CFAP221: variants seen among roughly 807,000 people sequenced by gnomAD.
The protein encoded by CFAP221 is cilia- and flagella-associated protein 221.
A neutral mutation model predicts 113.1 loss-of-function variants in CFAP221; 97 were observed. The observed-to-expected ratio is 0.86, with a 90% CI of 0.73 to 1.02. The LOEUF is 1.02. Ranked by LOEUF, CFAP221 falls within the 50% of genes least tolerant of loss-of-function variation. CFAP221 has a pLI of 0.00. For missense variants in CFAP221, 1,025 were observed against 1,013.4 expected (o/e 1.01, Z -0.16); for synonymous variants, 331 against 354.4 (o/e 0.93, Z 0.74).
At chr2:119,640,543 T>C (rs1046847168) in intron 21 of CFAP221, among the ~76,000 whole-genome samples, 1 of 152,216 alleles carries the variant, frequency 6.6e-6, no homozygotes, top group East Asian at 1.9e-4. Context: ...CCTGAGCCCT[T>C]GAATTCGCTT....
intron 14 of CFAP221, among the ~76,000 whole-genome samples, chr2:119,622,083 T>C (rs1685962584): frequency 6.6e-6 from 1 of 152,152 alleles, no homozygotes; most frequent in Admixed American, 6.5e-5. Context: ...CAAGAGCTGG[T>C]TTTTTGAAAA....
chr2:119,648,498 G>A (rs777703476), intron 22 of CFAP221: 101 of 285,710 alleles, frequency 3.5e-4, no homozygotes, highest in Non-Finnish European at 7.0e-4. Context: ...ATAGCACAAA[G>A]AAGGCCACCA....
intron 19 of CFAP221, among the ~76,000 whole-genome samples, chr2:119,632,567 A>G (rs1428574795): frequency 6.6e-6 from 1 of 152,172 alleles, no homozygotes; most frequent in Non-Finnish European, 1.5e-5. Flanking sequence ...TCCTCCTAAG[A>G]TCAAGTATAG....
At chr2:119,597,659 G>C (rs1022592229) in intron 7 of CFAP221, among the ~76,000 whole-genome samples, 1 of 152,126 alleles carries the variant, frequency 6.6e-6, no homozygotes, top group South Asian at 2.1e-4. Flanking sequence ...GAAATTTACC[G>C]AAAAACGAAA....
At chr2:119,652,938 A>T (rs901137503) in intron 23 of CFAP221, among the ~76,000 whole-genome samples, 1 of 148,446 alleles carries the variant, frequency 6.7e-6, no homozygotes, top group Non-Finnish European at 1.5e-5. Context: ...AAAAATATGG[A>T]TATATATTTA....
At position 119,601,272 on chromosome 2, in the gene CFAP221, A is replaced by G; in HGVS notation, c.686A>G (p.Gln229Arg). The G allele has an allele frequency of 6.5e-7, 1 of 1,535,116 alleles. No homozygotes were observed. The highest frequency in any genetic ancestry group is 2.4e-5 in the East Asian group (1 of 40,888). ...MTVTIKFTPFQYGTAQIKMQL... is the reference protein window; with the variant it reads ...MTVTIKFTPFRYGTAQIKMQL... ...GTGACTATTAAGTTTACACCCTTTC[A>G]GTATGGGACTGCACAAATAAAAATG... The change falls in exon 8 of 24, where the codon CAG (glutamine) becomes CGG (arginine). Residue 229 changes from glutamine (Q) to arginine (R), a missense_variant. By Grantham distance (43) the Gln-to-Arg change is conservative (BLOSUM62 1). Coordinates refer to ENST00000413369, the MANE Select transcript of CFAP221 (RefSeq NM_001271049.2).
At chr2:119,644,421 G>T (rs931173779) in intron 21 of CFAP221, among the ~76,000 whole-genome samples, 1 of 152,180 alleles carries the variant, frequency 6.6e-6, no homozygotes, top group African/African-American at 2.4e-5. Context: ...ACTCTTCTTA[G>T]TGGGAATTCC....
At chr2:119,610,618 A>G (rs1279959656) in intron 12 of CFAP221, among the ~76,000 whole-genome samples, 1 of 152,096 alleles carries the variant, frequency 6.6e-6, no homozygotes, top group East Asian at 1.9e-4. Context: ...TTTGAACTTA[A>G]TGTGTTCAGT....
intron 19 of CFAP221, among the ~76,000 whole-genome samples, chr2:119,634,966 T>G (rs532314454): frequency 6.6e-6 from 1 of 152,362 alleles, no homozygotes; most frequent in East Asian, 1.9e-4. Context: ...ATGGTAAGTG[T>G]TGTTACCACC....
rs1686693042 is a variant in CFAP221 at position 119,630,554 on chromosome 2, C to T, written c.1732-16C>T. 6.4e-7 allele frequency: 1 copy of T among 1,566,690 alleles called. No homozygotes were observed. Among genetic ancestry groups the T allele is most frequent in the African/African-American group, 1.4e-5 (1 of 73,770 alleles). ...TAACAGGTTTTTAAGGATTTTCAATCTTCTTTCACCTTCAGGTTCCTCAAC... is the reference window on the plus strand; with the variant it reads ...TAACAGGTTTTTAAGGATTTTCAATTTTCTTTCACCTTCAGGTTCCTCAAC... On this transcript the variant is annotated splice_polypyrimidine_tract_variant and intron_variant, in intron 17 of 23. Coordinates refer to ENST00000413369, the MANE Select transcript of CFAP221 (RefSeq NM_001271049.2).
At chr2:119,620,546 G>C (rs943999996) in intron 14 of CFAP221, among the ~76,000 whole-genome samples, 1 of 152,186 alleles carries the variant, frequency 6.6e-6, no homozygotes, top group Non-Finnish European at 1.5e-5. Context: ...AATGCTGAGA[G>C]ATTTTGTCAC....
intron 21 of CFAP221, among the ~76,000 whole-genome samples, chr2:119,645,565 T>C (rs1485681768): frequency 6.6e-6 from 1 of 152,062 alleles, no homozygotes. Context: ...CTCTTCCCAT[T>C]AGTCAAAACC....
At chr2:119,650,978 G>T (rs1054442510) in intron 22 of CFAP221, among the ~76,000 whole-genome samples, 4 of 152,174 alleles carry the variant, frequency 2.6e-5, no homozygotes, top group African/African-American at 9.7e-5. Context: ...CTCTAATTGA[G>T]TGTGGTGGAG....
chr2:119,615,079 T>C (rs901312570), intron 13 of CFAP221, among the ~76,000 whole-genome samples: 17 of 152,350 alleles, frequency 1.1e-4, no homozygotes, highest in African/African-American at 4.1e-4. Flanking sequence ...TATAATTTCC[T>C]TATTCAAGAA....
chr2:119,651,154 T>C (rs993205512), intron 22 of CFAP221, among the ~76,000 whole-genome samples: 9 of 152,062 alleles, frequency 5.9e-5, no homozygotes, highest in Admixed American at 3.3e-4. Flanking sequence ...ACAGAGTGAG[T>C]GTGTCTCCTG....
In CFAP221 at chr2:119,604,908, A is replaced by G; in HGVS notation, c.945A>G (p.Val315=). ...EIEYQNLRFP[V]DLSNPFAVAT... is the part of the protein sequence containing the mutation. ...AGTACCAGAACCTCAGATTTCCAGT[A>G]GATTTATCGAATCCATTTGCTGTGG... The change falls in exon 10 of 24, where the codon GTA becomes GTG. Residue 315 remains valine, a synonymous_variant. Transcript: ENST00000413369. The G allele has an allele frequency of 1.9e-6, 3 of 1,614,158 alleles. No individual in the cohort carries two copies. Among genetic ancestry groups the G allele is most frequent in the Non-Finnish European group, 1.7e-6 (2 of 1,180,022 alleles).
intron 3 of CFAP221, among the ~76,000 whole-genome samples, chr2:119,559,258 TG>T (rs1332279142): frequency 3.9e-5 from 6 of 152,232 alleles, no homozygotes; most frequent in Non-Finnish European, 8.8e-5. Flanking sequence ...GACTTTCTGA[TG>T]GTCTCAGTGT....
At chr2:119,601,022 T>G (rs553133299) in intron 7 of CFAP221, among the ~76,000 whole-genome samples, 196 bp from the exon 8 acceptor site, 2 of 152,384 alleles carry the variant, frequency 1.3e-5, no homozygotes, top group African/African-American at 4.8e-5. Flanking sequence ...ATGTTATCTT[T>G]AAGGCTTCTG....
At chr2:119,575,143 G>A (rs1558926414) in intron 6 of CFAP221, among the ~76,000 whole-genome samples, 1 of 152,164 alleles carries the variant, frequency 6.6e-6, no homozygotes, top group African/African-American at 2.4e-5. Flanking sequence ...AAGAGAAAAG[G>A]CTAGCAGCAG....
Sources: gnomAD v4.1 joint callset for allele counts (sites outside exome capture counted in the v4.1 genomes callset) on GRCh38, gnomAD v4.1.1 for gene constraint, MANE v1.5 for transcripts, NCBI Gene and HGNC (gene_info 2026-07-23, HGNC 2026-07-21) for gene names.